Variants in AMOTL1 observed in about 807,000 individuals in gnomAD.
AMOTL1 encodes the protein angiomotin like 1.
AMOTL1 carries 45 observed loss-of-function variants against 102.9 expected under a neutral mutation model. That is an observed-to-expected ratio of 0.44 (90% CI 0.34 to 0.56). The LOEUF is 0.56. Ranked by LOEUF, AMOTL1 falls within the 20% of genes least tolerant of loss-of-function variation. The pLI is 0.01. For missense variants in AMOTL1, 1,114 were observed against 1,225.6 expected (o/e 0.91, Z 1.36); for synonymous variants, 481 against 484.7 (o/e 0.99, Z 0.10).
chr11:94,718,463 T>C (rs958155867), intron 1 of AMOTL1, among the ~76,000 whole-genome samples: 5 of 152,054 alleles, frequency 3.3e-5, no homozygotes, highest in Non-Finnish European at 7.4e-5. Flanking sequence ...TCAAATGACA[T>C]ATGAATTTGT....
intron 1 of AMOTL1, among the ~76,000 whole-genome samples, chr11:94,706,920 C>A (rs1949937723): frequency 6.6e-6 from 1 of 152,082 alleles, no homozygotes; most frequent in African/African-American, 2.4e-5. Context: ...TGGGCTAGGG[C>A]CATCCATACC....
chr11:94,790,825 C>T (rs1951271728), intron 1 of AMOTL1, among the ~76,000 whole-genome samples: 1 of 152,150 alleles, frequency 6.6e-6, no homozygotes, highest in African/African-American at 2.4e-5. Flanking sequence ...GTATTAATGG[C>T]CTGTGGACAG....
At chr11:94,711,130 C>G (rs149924845) in intron 1 of AMOTL1, among the ~76,000 whole-genome samples, 209 of 152,092 alleles carry the variant, frequency 1.4e-3, no homozygotes, top group Middle Eastern at 3.4e-3. Context: ...TTGAGTTATT[C>G]AGACCTTGTG....
Position 94,799,372 on chromosome 11 carries a change from C to T in AMOTL1, c.200-18C>T, listed in dbSNP as rs1320874999. On this transcript the variant is annotated intron_variant, in intron 2 of 12. Transcript: ENST00000433060. The surrounding 1 kb of genome is among the most constrained non-coding windows in gnomAD (Gnocchi z 4.5). Reference sequence around the variant, plus strand: ...TGTGGAGCTGCCTGATATCTTTTTTCCTATGTTTATCTTTTAGTTGAAGAT... The same window carrying T: ...TGTGGAGCTGCCTGATATCTTTTTTTCTATGTTTATCTTTTAGTTGAAGAT... The T allele has an allele frequency of 7.8e-6, 12 of 1,529,742 alleles. No individual in the cohort carries two copies. In the Admixed American group the frequency reaches 1.5e-4, roughly 19 times the overall value. The allele number at this position is 1,529,742 out of a possible 1,614,324, so 94.8% of individuals were successfully genotyped here. A position where few individuals can be genotyped will look rare whatever the true frequency, so the allele number is the denominator to read the frequency against.
intron 6 of AMOTL1, among the ~76,000 whole-genome samples, chr11:94,848,594 AT>A (rs2135705981): frequency 6.6e-6 from 1 of 152,312 alleles, no homozygotes; most frequent in East Asian, 1.9e-4. Flanking sequence ...GGAAGACCAG[AT>A]TCTGGCCCTG....
intron 6 of AMOTL1, among the ~76,000 whole-genome samples, chr11:94,841,938 T>C (rs1426524558): frequency 1.3e-5 from 2 of 152,236 alleles, no homozygotes; most frequent in South Asian, 2.1e-4. Flanking sequence ...AAATCCTACC[T>C]GAGATATTTT....
At chr11:94,822,577 G>A (rs1195366580) in intron 4 of AMOTL1, among the ~76,000 whole-genome samples, 2 of 152,172 alleles carry the variant, frequency 1.3e-5, no homozygotes, top group Non-Finnish European at 2.9e-5. Flanking sequence ...CAACATGAGA[G>A]GGTCAAGAGT....
intron 1 of AMOTL1, among the ~76,000 whole-genome samples, chr11:94,770,434 C>A (rs1950930848): frequency 6.7e-6 from 1 of 148,440 alleles, no homozygotes; most frequent in Non-Finnish European, 1.5e-5. Context: ...ACAGGCTCTA[C>A]TTTTCCTTAT....
At chr11:94,837,428 G>T (rs932482876) in intron 6 of AMOTL1, among the ~76,000 whole-genome samples, 1 of 152,180 alleles carries the variant, frequency 6.6e-6, no homozygotes, top group Non-Finnish European at 1.5e-5. Context: ...TCTCCAGAAG[G>T]ACCTGCCAAC....
upstream of AMOTL1, among the ~76,000 whole-genome samples, chr11:94,767,978 G>GA (rs936587657): frequency 2.6e-5 from 4 of 151,806 alleles, no homozygotes; most frequent in Admixed American, 2.0e-4. Flanking sequence ...CACTTAAGAA[G>GA]AAAAAAAACC....
intron 6 of AMOTL1, 91 bp from the exon 7 acceptor site, chr11:94,850,023 A>T: frequency 7.2e-7 from 1 of 1,393,556 alleles, no homozygotes; most frequent in Non-Finnish European, 9.6e-7. Flanking sequence ...ATGCTTTTTT[A>T]TTTTTAATCC....
At chr11:94,723,796 T>A (rs969027339) in intron 1 of AMOTL1, among the ~76,000 whole-genome samples, 3 of 152,160 alleles carry the variant, frequency 2.0e-5, no homozygotes, top group African/African-American at 7.2e-5. Context: ...ACCTAGAATG[T>A]TTTTCTATTC....
At chr11:94,819,351 G>GGAAA (rs1372965476) in intron 3 of AMOTL1, among the ~76,000 whole-genome samples, 1 of 152,078 alleles carries the variant, frequency 6.6e-6, no homozygotes, top group Non-Finnish European at 1.5e-5. Flanking sequence ...TTCCCCACAA[G>GGAAA]GAAACTCCTT....
chr11:94,771,752 A>T (rs536289114), intron 1 of AMOTL1, among the ~76,000 whole-genome samples: 9 of 152,132 alleles, frequency 5.9e-5, no homozygotes, highest in Non-Finnish European at 1.3e-4. Context: ...ACCTTAGGGT[A>T]TATTCATTTT....
chr11:94,754,031 G>A (rs772228469), intron 3 of AMOTL1, among the ~76,000 whole-genome samples: 32 of 152,202 alleles, frequency 2.1e-4, no homozygotes, highest in Non-Finnish European at 4.4e-4. Context: ...TCTAACCCCT[G>A]TGGACTTCAG....
intron 3 of AMOTL1, among the ~76,000 whole-genome samples, chr11:94,820,700 G>A (rs750052986): frequency 9.2e-5 from 14 of 152,154 alleles, no homozygotes; most frequent in Non-Finnish European, 1.8e-4. Flanking sequence ...TGTAGAATCA[G>A]TAGGAGCCCT....
chr11:94,843,427 C>T lies in AMOTL1; in HGVS notation c.1649-6687C>T, dbSNP rs137989889. Among the ~76,000 whole-genome samples the T allele has an allele frequency of 3.6e-3, 551 of 152,190 alleles. 1 individual carries two copies. Among genetic ancestry groups the T allele is most frequent in the Middle Eastern group, 0.014 (4 of 294 alleles). The stretch of plus-strand genomic sequence containing the variant: ...CCCTGAGTGTGGAATATCTTTGAGG[C>T]AGAAGGAACCTAAATAGTTTTGTAG... On this transcript the variant is annotated intron_variant, in intron 6 of 12. Coordinates refer to ENST00000433060, the MANE Select transcript of AMOTL1 (RefSeq NM_130847.3).
intron 8 of AMOTL1, among the ~76,000 whole-genome samples, chr11:94,854,847 G>A (rs1192530949): frequency 6.6e-6 from 1 of 152,156 alleles, no homozygotes; most frequent in African/African-American, 2.4e-5. Flanking sequence ...AGGAAGGGAT[G>A]TAAGACCATC....
In AMOTL1 at chr11:94,780,728, C is replaced by T. The variant is rs116639781; in HGVS notation, c.49+12168C>T. ...CCTTTCTGTTGTCTCAATTAATCTT[C>T]GTAACAGCCCTATGTAGTAGGCCCT... On this transcript the variant is annotated intron_variant, in intron 1 of 12. Coordinates refer to ENST00000433060, the MANE Select transcript of AMOTL1 (RefSeq NM_130847.3). 3.5e-3 allele frequency among the ~76,000 whole-genome samples: 537 copies of T among 152,302 alleles called. 7 individuals carry two copies. Among genetic ancestry groups the T allele is most frequent in the African/African-American group, 0.012 (484 of 41,552 alleles).
Sources: allele counts gnomAD v4.1 joint callset (sites outside exome capture counted in the v4.1 genomes callset), GRCh38; gene constraint gnomAD v4.1.1; non-coding constraint Gnocchi (gnomAD v3.1); transcripts MANE v1.5; gene names NCBI Gene and HGNC (gene_info 2026-07-23, HGNC 2026-07-21).